Variants in CNTN5 observed in about 807,000 individuals in gnomAD.
CNTN5 encodes contactin-5.
CNTN5 carries 77 observed loss-of-function variants against 129.1 expected under a neutral mutation model. The ratio of observed to expected loss-of-function variants is 0.60; its 90% CI spans 0.50 to 0.72. The LOEUF is 0.72. CNTN5 is among the 30% of genes least tolerant of loss of function. The pLI is 0.00. For missense variants in CNTN5, 1,478 were observed against 1,328.8 expected (o/e 1.11, Z -1.75); for synonymous variants, 509 against 465.6 (o/e 1.09, Z -1.20).
At chr11:100,256,621 G>T (rs1210296150) in intron 17 of CNTN5, among the ~76,000 whole-genome samples, 1 of 152,116 alleles carries the variant, frequency 6.6e-6, no homozygotes, top group African/African-American at 2.4e-5. Context: ...CATTGGGACT[G>T]GTTAGACAGT....
At chr11:100,087,183 T>C (rs144822300) in intron 13 of CNTN5, among the ~76,000 whole-genome samples, 1,883 of 151,422 alleles carry the variant, frequency 0.012, 48 homozygotes, top group African/African-American at 0.04. Context: ...ACAGATGCCA[T>C]AAACAGATAA....
intron 1 of CNTN5, among the ~76,000 whole-genome samples, chr11:99,233,291 T>G (rs944564017): frequency 6.6e-6 from 1 of 152,230 alleles, no homozygotes; most frequent in Non-Finnish European, 1.5e-5. Flanking sequence ...GCTTTTTCTC[T>G]TAACTTTCTT....
intron 1 of CNTN5, among the ~76,000 whole-genome samples, chr11:99,208,114 A>G (rs1338419345): frequency 1.3e-5 from 2 of 152,196 alleles, no homozygotes; most frequent in Non-Finnish European, 2.9e-5. Flanking sequence ...TGGTCCCTGA[A>G]TGGTCATTGG....
intron 17 of CNTN5, among the ~76,000 whole-genome samples, chr11:100,258,246 T>A (rs1481359490): frequency 6.6e-6 from 1 of 151,928 alleles, no homozygotes; most frequent in Non-Finnish European, 1.5e-5. Flanking sequence ...GAAAAAAGAA[T>A]GAAAAGGAAC....
chr11:99,383,919 C>T (rs1474065707), intron 2 of CNTN5, among the ~76,000 whole-genome samples: 1 of 152,118 alleles, frequency 6.6e-6, no homozygotes, highest in Non-Finnish European at 1.5e-5. Context: ...TTTAAAGTCT[C>T]TTTAAATTTC....
intron 6 of CNTN5, among the ~76,000 whole-genome samples, chr11:99,876,463 A>G (rs965735012): frequency 2.0e-5 from 3 of 152,060 alleles, no homozygotes; most frequent in Non-Finnish European, 4.4e-5. Flanking sequence ...CATGAGCCCT[A>G]TTTAGCTTCT....
intron 3 of CNTN5, among the ~76,000 whole-genome samples, chr11:99,706,635 T>C (rs867098852): frequency 3.3e-5 from 5 of 151,410 alleles, no homozygotes; most frequent in Non-Finnish European, 5.9e-5. Context: ...TCAGAAACTA[T>C]TTTTCTCTCT....
At chr11:100,264,107 T>TA (rs1307880131) in intron 17 of CNTN5, among the ~76,000 whole-genome samples, 2 of 152,156 alleles carry the variant, frequency 1.3e-5, no homozygotes, top group Admixed American at 1.3e-4. Flanking sequence ...AAAACATACA[T>TA]AATCATGTAT....
chr11:99,161,512 C>T (rs1860609380), intron 1 of CNTN5, among the ~76,000 whole-genome samples: 1 of 151,952 alleles, frequency 6.6e-6, no homozygotes, highest in Non-Finnish European at 1.5e-5. Context: ...TGTCTTTGAG[C>T]TCCCAAAACC....
intron 7 of CNTN5, among the ~76,000 whole-genome samples, chr11:99,951,396 AT>A (rs1950672742): frequency 6.6e-6 from 1 of 152,064 alleles, no homozygotes; most frequent in Non-Finnish European, 1.5e-5. Context: ...ACTTGTTGAT[AT>A]CCCAGTTGCC....
At chr11:99,073,374 G>GTTTTTTTTTTTTT (rs750531770) in intron 1 of CNTN5, among the ~76,000 whole-genome samples, 3 of 61,196 alleles carry the variant, frequency 4.9e-5, no homozygotes, top group South Asian at 7.3e-4. Context: ...TTATGGTTTG[G>GTTTTTTTTTTTTT]TTTTTTTTTT....
chr11:99,828,131 T>C (rs965578101), intron 4 of CNTN5, among the ~76,000 whole-genome samples: 3 of 152,196 alleles, frequency 2.0e-5, no homozygotes, highest in African/African-American at 7.2e-5. Context: ...AATAGTTATA[T>C]AGATCTTCAG....
intron 3 of CNTN5, among the ~76,000 whole-genome samples, chr11:99,692,814 T>C (rs559718354): frequency 1.4e-3 from 210 of 152,260 alleles, no homozygotes; most frequent in African/African-American, 4.9e-3. Context: ...CAATTTTGAT[T>C]GACTATAGTA....
intron 3 of CNTN5, among the ~76,000 whole-genome samples, chr11:99,696,078 A>C (rs1034836970): frequency 2.0e-5 from 3 of 152,112 alleles, no homozygotes; most frequent in Non-Finnish European, 4.4e-5. Context: ...TCATATACCA[A>C]TGTTTATTCT....
intron 21 of CNTN5, among the ~76,000 whole-genome samples, chr11:100,315,851 G>A (rs1411526791): frequency 6.6e-6 from 1 of 152,158 alleles, no homozygotes; most frequent in Non-Finnish European, 1.5e-5. Flanking sequence ...GGGACTAAAT[G>A]TAGAAAGCAC....
chr11:99,906,446 T>G (rs975177650), intron 6 of CNTN5, among the ~76,000 whole-genome samples: 1 of 152,214 alleles, frequency 6.6e-6, no homozygotes, highest in African/African-American at 2.4e-5. Context: ...ATTATGTTTA[T>G]TGATTTGCAT....
In CNTN5 at chr11:99,916,189, C is replaced by G. The variant is rs374528824; in HGVS notation, c.673+40C>G. 1.1e-5 allele frequency: 17 copies of G among 1,485,150 alleles called. No homozygotes were observed. In the African/African-American group the frequency reaches 1.8e-4, roughly 16 times the overall value. 92.0% of individuals were successfully genotyped at this position (1,485,150 alleles called of 1,614,324 possible). On this transcript the variant is annotated intron_variant, in intron 7 of 24. Transcript: ENST00000524871. ...CATTCTTTGCTGCTGCTGCTGCTCT[C>G]TTTTGCTATGTGTTCATTCTTTTAG...
chr11:99,096,682 A>G (rs1003894307), intron 1 of CNTN5, among the ~76,000 whole-genome samples: 6 of 151,760 alleles, frequency 4.0e-5, no homozygotes, highest in Non-Finnish European at 8.9e-5. Flanking sequence ...TATCTTCTTT[A>G]CTGGGAGTAG....
intron 6 of CNTN5, among the ~76,000 whole-genome samples, chr11:99,853,403 A>G (rs1287672294): frequency 7.1e-6 from 1 of 140,138 alleles, no homozygotes; most frequent in African/African-American, 2.7e-5. Context: ...TTATTTGTAT[A>G]TATATATTTT....
Sources: gnomAD v4.1 joint callset for allele counts (sites outside exome capture counted in the v4.1 genomes callset) on GRCh38, gnomAD v4.1.1 for gene constraint, MANE v1.5 for transcripts, NCBI Gene and HGNC (gene_info 2026-07-23, HGNC 2026-07-21) for gene names.